Variants in MRC1 observed in about 807,000 individuals in gnomAD.
MRC1 encodes the protein mannose receptor C-type 1.
MRC1 carries 62 observed loss-of-function variants against 102.9 expected under a neutral mutation model. That is an observed-to-expected ratio of 0.60 (90% CI 0.49 to 0.74). MRC1 has a LOEUF of 0.74. Ranked by LOEUF, MRC1 falls within the 30% of genes least tolerant of loss-of-function variation. The pLI is 0.00. For synonymous variants in MRC1, 457 were observed against 298.4 expected (o/e 1.53, Z -5.48); for missense variants, 1,237 against 862.8 (o/e 1.43, Z -5.43).
At chr10:17,881,748 T>A (rs888383249) in intron 21 of MRC1, among the ~76,000 whole-genome samples, 1 of 133,642 alleles carries the variant, frequency 7.5e-6, no homozygotes, top group Non-Finnish European at 1.5e-5. Flanking sequence ...AGCCTCGAAC[T>A]CCTAAGCTCA....
intron 12 of MRC1, 110 bp from the exon 13 acceptor site, chr10:17,870,136 C>A: frequency 1.4e-6 from 1 of 698,256 alleles, no homozygotes; most frequent in South Asian, 1.7e-5. Context: ...TGAGTCATTA[C>A]ACTGTTTTGT....
chr10:17,835,343 C>G (rs1164913283), intron 4 of MRC1, among the ~76,000 whole-genome samples: 1 of 152,362 alleles, frequency 6.6e-6, no homozygotes, highest in East Asian at 1.9e-4. Flanking sequence ...CTTATTCATT[C>G]ATTCCCAAGA....
At chr10:17,894,743 G>A (rs1833732144) in intron 23 of MRC1, among the ~76,000 whole-genome samples, 1 of 152,028 alleles carries the variant, frequency 6.6e-6, no homozygotes, top group African/African-American at 2.4e-5. Context: ...CAGGATACAT[G>A]TACAGAACAT....
chr10:17,870,716 T>A lies in MRC1; in HGVS notation c.2112-132T>A, dbSNP rs1222615810. 3.9e-6 allele frequency: 3 copies of A among 771,088 alleles called. No homozygotes were observed. The African/African-American group carries it at 5.1e-5, about 13-fold the overall frequency. 47.8% of individuals were successfully genotyped at this position (771,088 alleles called of 1,614,324 possible). On this transcript the variant is annotated intron_variant, in intron 13 of 29. Transcript: ENST00000569591. ...CTATTGCATAAGTCTTCTATTTAGC[T>A]GTTAAATCTCTTTACTTGTGTACTA...
intron 2 of MRC1, among the ~76,000 whole-genome samples, chr10:17,825,659 A>G (rs1838464323): frequency 2.0e-5 from 3 of 152,182 alleles, no homozygotes. Context: ...ACTTGAGCCC[A>G]GGTAATTGAG....
At chr10:17,892,212 C>T (rs1833688934) in intron 22 of MRC1, among the ~76,000 whole-genome samples, 1 of 152,170 alleles carries the variant, frequency 6.6e-6, no homozygotes, top group Non-Finnish European at 1.5e-5. Context: ...TTTCTCCAGT[C>T]TGCACTGTAA....
intron 12 of MRC1, among the ~76,000 whole-genome samples, chr10:17,868,559 A>G (rs1833311224): frequency 6.6e-6 from 1 of 152,182 alleles, no homozygotes. Context: ...GGGGACACAG[A>G]GTCAAACCCT....
At chr10:17,811,495 TAAAC>T (rs1406375689) in intron 1 of MRC1, among the ~76,000 whole-genome samples, 1 of 151,408 alleles carries the variant, frequency 6.6e-6, no homozygotes, top group African/African-American at 2.4e-5. Context: ...ACTTGGAGAA[TAAAC>T]AAACAAAAAA....
intron 5 of MRC1, among the ~76,000 whole-genome samples, chr10:17,844,253 C>CT (rs1289740698): frequency 6.6e-6 from 1 of 152,106 alleles, no homozygotes; most frequent in Non-Finnish European, 1.5e-5. Context: ...GAGTCTCACT[C>CT]TGTCACCCCG....
At chr10:17,906,807 C>T (rs1381222976) in intron 26 of MRC1, 79 bp from the exon 27 acceptor site, 2 of 779,766 alleles carry the variant, frequency 2.6e-6, no homozygotes, top group African/African-American at 1.7e-5. Context: ...TTGTTGCTCT[C>T]AATAGCAGTG....
chr10:17,826,923 T>A (rs1838484811), intron 2 of MRC1, among the ~76,000 whole-genome samples: 1 of 152,196 alleles, frequency 6.6e-6, no homozygotes, highest in Non-Finnish European at 1.5e-5. Flanking sequence ...GTTGAGGAAC[T>A]CAGGTGAAGG....
At chr10:17,875,343 T>G (rs1405455053) in intron 17 of MRC1, 90 bp downstream of exon 17, 1 of 754,254 alleles carries the variant, frequency 1.3e-6, no homozygotes, top group African/African-American at 1.7e-5. Context: ...AGTGGTGATT[T>G]CTGAGATTTT....
chr10:17,822,903 G>A (rs1408035930), intron 1 of MRC1, among the ~76,000 whole-genome samples, 171 bp from the exon 2 acceptor site: 1 of 152,098 alleles, frequency 6.6e-6, no homozygotes, highest in African/African-American at 2.4e-5. Context: ...AGGGATCCTC[G>A]AAGAGAGCTG....
At chr10:17,837,806 G>A (rs942957478) in intron 4 of MRC1, among the ~76,000 whole-genome samples, 1 of 151,872 alleles carries the variant, frequency 6.6e-6, no homozygotes, top group African/African-American at 2.4e-5. Context: ...TCACCATGTT[G>A]CCCAGGATGG....
In MRC1 at chr10:17,827,601, G is replaced by GA; in HGVS notation, c.527dup (p.Asn176LysfsTer24). The GA allele has an allele frequency of 1.3e-6, 1 of 780,822 alleles. No individual in the cohort carries two copies. The highest frequency in any genetic ancestry group is 1.3e-5 in the South Asian group (1 of 74,602). 48.4% of individuals were successfully genotyped at this position (780,822 alleles called of 1,614,324 possible). A position where few individuals can be genotyped will look rare whatever the true frequency, so the allele number is the denominator to read the frequency against. ...AACCTGTGCATTCCCGTTCAAGTTT[G>GA]AAAACAAGTGGTACGCAGATTGCAC... On this transcript the variant is annotated frameshift_variant, in exon 3 of 30. Coordinates refer to ENST00000569591, the MANE Select transcript of MRC1 (RefSeq NM_002438.4). LOFTEE classifies it high-confidence loss of function.
chr10:17,809,433 C>T lies in MRC1; in HGVS notation c.-33C>T. On this transcript the variant is annotated 5_prime_UTR_variant, in exon 1 of 30. Coordinates refer to ENST00000569591, the MANE Select transcript of MRC1 (RefSeq NM_002438.4). Reference sequence around the variant, plus strand: ...TTGCGTCTTAGTTCCGCCCTCCTGTCCATCAGGAGAAGGAAAGGATAAACC... The same window carrying T: ...TTGCGTCTTAGTTCCGCCCTCCTGTTCATCAGGAGAAGGAAAGGATAAACC... 2.3e-6 allele frequency: 2 copies of T among 872,394 alleles called. No homozygotes were observed. Among genetic ancestry groups the T allele is most frequent in the Non-Finnish European group, 4.0e-6 (2 of 501,226 alleles). 54.0% of individuals were successfully genotyped at this position (872,394 alleles called of 1,614,324 possible).
intron 3 of MRC1, among the ~76,000 whole-genome samples, chr10:17,829,904 A>G (rs904321358): frequency 6.6e-6 from 1 of 151,500 alleles, no homozygotes. Flanking sequence ...GAGTTTGTTC[A>G]GTGGAATAAT....
chr10:17,849,609 A>G lies in MRC1; in HGVS notation c.1094A>G (p.Gln365Arg). The G allele has an allele frequency of 1.3e-6, 1 of 780,948 alleles. No individual in the cohort carries two copies. Among genetic ancestry groups the G allele is most frequent in the Non-Finnish European group, 2.4e-6 (1 of 418,098 alleles). 48.4% of individuals were successfully genotyped at this position (780,948 alleles called of 1,614,324 possible). A position where few individuals can be genotyped will look rare whatever the true frequency, so the allele number is the denominator to read the frequency against. Residue 365 changes from glutamine (Q) to arginine (R), a missense_variant, in exon 7 of 30, where the codon CAG becomes CGG. Transcript: ENST00000569591. Reference sequence around the variant, plus strand: ...GATGTGCCTACTCACTGTCCTAGTCAGTGGTGGCCGTATGCCGGTCACTGT... The same window carrying G: ...GATGTGCCTACTCACTGTCCTAGTCGGTGGTGGCCGTATGCCGGTCACTGT... ...ESDVPTHCPS[Q>R]WWPYAGHCYK...
At chr10:17,813,040 A>G (rs1321514905) in intron 1 of MRC1, among the ~76,000 whole-genome samples, 2 of 152,204 alleles carry the variant, frequency 1.3e-5, no homozygotes, top group African/African-American at 2.4e-5. Flanking sequence ...CCTTAGAATC[A>G]TAGACCATTA....
Sources: gnomAD v4.1 joint callset for allele counts (sites outside exome capture counted in the v4.1 genomes callset) on GRCh38, gnomAD v4.1.1 for gene constraint, MANE v1.5 for transcripts, NCBI Gene and HGNC (gene_info 2026-07-23, HGNC 2026-07-21) for gene names.